NCKAP1L: variants seen among roughly 807,000 people sequenced by gnomAD.
The protein encoded by NCKAP1L is nck-associated protein 1-like.
NCKAP1L carries 53 observed loss-of-function variants against 139.2 expected under a neutral mutation model. The ratio of observed to expected loss-of-function variants is 0.38; its 90% CI spans 0.31 to 0.48. NCKAP1L has a LOEUF of 0.48. NCKAP1L is among the 20% of genes least tolerant of loss of function. NCKAP1L has a pLI of 0.98. For missense variants in NCKAP1L, 1,151 were observed against 1,381.9 expected (o/e 0.83, Z 2.65); for synonymous variants, 468 against 499.7 (o/e 0.94, Z 0.85).
Position 54,516,899 on chromosome 12 carries a change from C to T in NCKAP1L, c.1002C>T (p.Gly334=). The T allele has an allele frequency of 6.2e-7, 1 of 1,611,752 alleles. No homozygotes were observed. Among genetic ancestry groups the T allele is most frequent in the Non-Finnish European group, 8.5e-7 (1 of 1,178,552 alleles). The change falls in exon 11 of 31, where the codon GGC becomes GGT. Residue 334 remains glycine (G), a synonymous_variant. Transcript: ENST00000293373. ...ESKEHVIANS[G]QFHCQRRQFL... is the part of the protein sequence containing the mutation. Reference sequence around the variant, plus strand: ...ATGTTCCCCTTTTCTTCCTTAGTGGCCAGTTTCATTGTCAACGGCGGCAAT... The same window carrying T: ...ATGTTCCCCTTTTCTTCCTTAGTGGTCAGTTTCATTGTCAACGGCGGCAAT...
At chr12:54,518,858 G>A in intron 14 of NCKAP1L, 56 bp from the exon 15 acceptor site, 1 of 1,522,274 alleles carries the variant, frequency 6.6e-7, no homozygotes, top group Admixed American at 1.7e-5. Context: ...ATTCTATGTA[G>A]TTGGATATTG....
At chr12:54,504,014 G>A (rs1409609645) in intron 3 of NCKAP1L, among the ~76,000 whole-genome samples, 1 of 152,136 alleles carries the variant, frequency 6.6e-6, no homozygotes, top group East Asian at 1.9e-4. Flanking sequence ...GCAAATTGCA[G>A]TAAGACAGTT....
At chr12:54,533,942 C>T (rs1197233493) in intron 26 of NCKAP1L, among the ~76,000 whole-genome samples, 1 of 152,164 alleles carries the variant, frequency 6.6e-6, no homozygotes, top group African/African-American at 2.4e-5. Context: ...TTTCAAAAAA[C>T]ATTTTTTTAA....
At chr12:54,503,888 GCCTCGGCCTC>G (rs1162081307) in intron 3 of NCKAP1L, among the ~76,000 whole-genome samples, 1 of 151,998 alleles carries the variant, frequency 6.6e-6, no homozygotes, top group Admixed American at 6.6e-5. Context: ...TGATCCACCT[GCCTCGGCCTC>G]CCAAAGTGCT....
chr12:54,532,756 G>C (rs1957083087), intron 26 of NCKAP1L, among the ~76,000 whole-genome samples: 1 of 152,058 alleles, frequency 6.6e-6, no homozygotes, highest in Non-Finnish European at 1.5e-5. Context: ...TTTACTACAG[G>C]AGATGGTGAG....
intron 22 of NCKAP1L, 115 bp from the exon 23 acceptor site, chr12:54,531,145 T>C: frequency 1.1e-6 from 1 of 886,604 alleles, no homozygotes. Flanking sequence ...CCTTGACTTC[T>C]CATTTTCTTT....
rs1565683460 is a variant in NCKAP1L, at chr12:54,536,125, C to G, written c.2957-4C>G. On this transcript the variant is annotated splice_region_variant and splice_polypyrimidine_tract_variant and intron_variant, in intron 27 of 30. Transcript: ENST00000293373. ...TTCCTCTTTTCCTTTTTCCCTCTCA[C>G]CAGATACTTCATCTCCTGAGGAGGA... The G allele has an allele frequency of 6.2e-7, 1 of 1,603,414 alleles. No homozygotes were observed. The highest frequency in any genetic ancestry group is 2.2e-5 in the East Asian group (1 of 44,804).
intron 7 of NCKAP1L, chr12:54,510,215 C>T (rs910191435): frequency 1.2e-5 from 7 of 583,600 alleles, no homozygotes; most frequent in African/African-American, 1.9e-5. Context: ...AGCAGTTAGC[C>T]TGTCCATAGA....
intron 25 of NCKAP1L, 44 bp downstream of exon 25, chr12:54,531,869 C>T (rs756554151): frequency 1.4e-6 from 2 of 1,450,390 alleles, no homozygotes; most frequent in Non-Finnish European, 1.9e-6. Flanking sequence ...ACAGATACCT[C>T]TGTGGGTAGG....
intron 18 of NCKAP1L, 146 bp downstream of exon 18, chr12:54,521,384 G>T: frequency 9.0e-7 from 1 of 1,115,764 alleles, no homozygotes. Flanking sequence ...TTGAGTTTAT[G>T]GCAGAATTCT....
At chr12:54,537,458 G>C (rs573786778) in intron 29 of NCKAP1L, among the ~76,000 whole-genome samples, 90 of 152,218 alleles carry the variant, frequency 5.9e-4, no homozygotes, top group African/African-American at 2.1e-3. Flanking sequence ...GAATATCTTG[G>C]GGAGCTTGTT....
intron 3 of NCKAP1L, among the ~76,000 whole-genome samples, chr12:54,505,089 C>T (rs1956829416): frequency 6.6e-6 from 1 of 152,208 alleles, no homozygotes; most frequent in African/African-American, 2.4e-5. Context: ...TAGTACCATT[C>T]CTTACTAGCT....
rs75753068 is a variant in NCKAP1L at position 54,538,992 on chromosome 12, T to C, written c.3273+19T>C. The stretch of plus-strand genomic sequence containing the variant: ...GCGCTTGGTAAGTACCTTATTTAAA[T>C]TGGTGTGAGAATAGGGAATGGAAGG... On this transcript the variant is annotated intron_variant, in intron 30 of 30. Transcript: ENST00000293373. The C allele has an allele frequency of 1.6e-3, 2,571 of 1,608,644 alleles. 9 individuals carry two copies. The highest frequency in any genetic ancestry group is 0.014 in the African/African-American group (1,025 of 74,930).
chr12:54,547,497 T>TGTGC lies in NCKAP1L; in HGVS notation c.*4815_*4816insCGTG, dbSNP rs745731292. ...TCTCTTTCACGAATAACTTTGTGTG[T>TGTGC]GTGTGCGTGTGTGTGTGTGTGTGTG... On this transcript the variant is annotated 3_prime_UTR_variant, in exon 31 of 31. Coordinates refer to ENST00000293373, the MANE Select transcript of NCKAP1L (RefSeq NM_005337.5). 3.0e-5 allele frequency: 3 copies of TGTGC among 100,464 alleles called. No homozygotes were observed. The highest frequency in any genetic ancestry group is 4.2e-5 in the Non-Finnish European group (2 of 47,686). 6.2% of individuals were successfully genotyped at this position (100,464 alleles called of 1,614,324 possible). A position where few individuals can be genotyped will look rare whatever the true frequency, so the allele number is the denominator to read the frequency against.
At chr12:54,516,097 T>C (rs1956928757) in intron 9 of NCKAP1L, 142 bp from the exon 10 acceptor site, 1 of 710,436 alleles carries the variant, frequency 1.4e-6, no homozygotes, top group South Asian at 1.6e-5. Context: ...GGGTGAGAAG[T>C]AGGGTTTGGA....
In NCKAP1L at chr12:54,547,300, G is replaced by C. The variant is rs1957204504; in HGVS notation, c.*4615G>C. On this transcript the variant is annotated 3_prime_UTR_variant, in exon 31 of 31. Coordinates refer to ENST00000293373, the MANE Select transcript of NCKAP1L (RefSeq NM_005337.5). ...TGAAAGGAGCCACAGAGTGAAAAAG[G>C]CTGATAGACTTGGCTCTGGTTTTAT... The C allele has an allele frequency of 6.6e-6, 1 of 152,178 alleles. No homozygotes were observed. Among genetic ancestry groups the C allele is most frequent in the Admixed American group, 6.5e-5 (1 of 15,280 alleles). 9.4% of individuals were successfully genotyped at this position (152,178 alleles called of 1,614,324 possible). A position where few individuals can be genotyped will look rare whatever the true frequency, so the allele number is the denominator to read the frequency against.
At chr12:54,508,209 C>T (rs751224564) in intron 4 of NCKAP1L, among the ~76,000 whole-genome samples, 180 bp from the exon 5 acceptor site, 2 of 152,204 alleles carry the variant, frequency 1.3e-5, no homozygotes, top group Non-Finnish European at 2.9e-5. Context: ...ATATTGAGCT[C>T]ACTTTTAGCC....
rs1441335307 is a variant in NCKAP1L at position 54,508,591 on chromosome 12, G to C, written c.506+60G>C. ...CATACATGGTGCTATGATGTAGAGA[G>C]TCCCTCATGCAAAGGAAATTGATGC... On this transcript the variant is annotated intron_variant, in intron 5 of 30. Transcript: ENST00000293373. 4 of 1,534,834 alleles carry C rather than the reference G, an allele frequency of 2.6e-6. No individual in the cohort carries two copies. The African/African-American group carries it at 5.5e-5, about 21-fold the overall frequency.
Position 54,537,053 on chromosome 12 carries a change from G to C in NCKAP1L, c.3183G>C (p.Val1061=). 4.4e-6 allele frequency: 7 copies of C among 1,591,370 alleles called. No individual in the cohort carries two copies. The highest frequency in any genetic ancestry group is 6.0e-6 in the Non-Finnish European group (7 of 1,159,746). ...NIETHLKEFL[V]VASVSLLQLG... Reference sequence around the variant, plus strand: ...AAACTCACCTCAAGGAATTTCTGGTGGTGAGTGGGTCTAGGTTATAAAGAA... The same window carrying C: ...AAACTCACCTCAAGGAATTTCTGGTCGTGAGTGGGTCTAGGTTATAAAGAA... Residue 1061 remains valine (V), a splice_region_variant and synonymous_variant, in exon 29 of 31, where the codon GTG becomes GTC. Transcript: ENST00000293373.
Sources: allele counts gnomAD v4.1 joint callset (sites outside exome capture counted in the v4.1 genomes callset), GRCh38; gene constraint gnomAD v4.1.1; transcripts MANE v1.5; gene names NCBI Gene and HGNC (gene_info 2026-07-23, HGNC 2026-07-21).